Variants in FNDC3B observed in about 807,000 individuals in gnomAD.
The protein encoded by FNDC3B is fibronectin type III domain-containing protein 3B.
In FNDC3B, 12 loss-of-function variants were observed where a neutral mutation model predicts 151.5. That is an observed-to-expected ratio of 0.08 (90% CI 0.05 to 0.13). FNDC3B has a LOEUF of 0.13. Ranked by LOEUF, FNDC3B falls within the 10% of genes least tolerant of loss-of-function variation. The pLI, the probability that FNDC3B is intolerant of heterozygous loss-of-function variation, is 1.00. For missense variants in FNDC3B, 1,214 were observed against 1,505.3 expected, an observed-to-expected ratio of 0.81 and a Z score of 3.20; for synonymous variants, 528 against 549.0, an observed-to-expected ratio of 0.96 and a Z score of 0.54.
chr3:172,148,596 A>G (rs1722048347), intron 3 of FNDC3B: 1 of 152,224 alleles, frequency 6.6e-6, no homozygotes, highest in Non-Finnish European at 1.5e-5. Context: ...CCATAGTAAC[A>G]TGGAAAATGG....
At chr3:172,231,903 T>C in intron 4 of FNDC3B, among the ~76,000 whole-genome samples, 1 of 129,592 alleles carries the variant, frequency 7.7e-6, no homozygotes. Flanking sequence ...TTTTTTGAGA[T>C]GGAGTCTTGC....
At chr3:172,154,404 C>T (rs974047909) in intron 3 of FNDC3B, among the ~76,000 whole-genome samples, 6 of 152,262 alleles carry the variant, frequency 3.9e-5, no homozygotes, top group Middle Eastern at 3.4e-3. Context: ...TTAGTAGAGA[C>T]GGGGTTTCAC....
chr3:172,293,871 T>A (rs1366769352), intron 7 of FNDC3B, among the ~76,000 whole-genome samples: 1 of 152,202 alleles, frequency 6.6e-6, no homozygotes, highest in East Asian at 1.9e-4. Context: ...ATTCCAATAA[T>A]CTTTATGTAG....
intron 3 of FNDC3B, among the ~76,000 whole-genome samples, chr3:172,186,376 G>A (rs560200564): frequency 4.0e-4 from 61 of 152,188 alleles, no homozygotes; most frequent in African/African-American, 1.4e-3. Context: ...TAAAAGCATC[G>A]GAAATACTTG....
At chr3:172,259,744 A>G (rs892315325) in intron 6 of FNDC3B, among the ~76,000 whole-genome samples, 4 of 152,156 alleles carry the variant, frequency 2.6e-5, no homozygotes, top group Non-Finnish European at 5.9e-5. Flanking sequence ...CACTTATCCT[A>G]TCTTTTGCCT....
chr3:172,298,632 T>A, intron 8 of FNDC3B, 96 bp from the exon 9 acceptor site: 1 of 620,014 alleles, frequency 1.6e-6, no homozygotes, highest in Non-Finnish European at 2.8e-6. Context: ...TAATAGTTCA[T>A]GAATTATTGT....
At chr3:172,315,994 C>G (rs1371940489) in intron 11 of FNDC3B, among the ~76,000 whole-genome samples, 2 of 134,868 alleles carry the variant, frequency 1.5e-5, no homozygotes, top group East Asian at 4.3e-4. Flanking sequence ...CTTCTTCTTT[C>G]TTCTTCTTTT....
chr3:172,344,028 A>T (rs1733477260), intron 18 of FNDC3B, 58 bp from the exon 19 acceptor site: 1 of 1,512,058 alleles, frequency 6.6e-7, no homozygotes, highest in Non-Finnish European at 9.0e-7. Flanking sequence ...AATCTGGTGC[A>T]CTTTGGTCAA....
At chr3:172,232,763 T>C (rs1231634916) in intron 4 of FNDC3B, among the ~76,000 whole-genome samples, 1 of 152,244 alleles carries the variant, frequency 6.6e-6, no homozygotes, top group Admixed American at 6.5e-5. Flanking sequence ...AAGGAGAACA[T>C]GGACGTTACC....
chr3:172,220,820 G>A (rs1726241999), intron 3 of FNDC3B, among the ~76,000 whole-genome samples: 1 of 152,168 alleles, frequency 6.6e-6, no homozygotes, highest in Non-Finnish European at 1.5e-5. Context: ...ATGGCTGGGT[G>A]TGGTGGCTCA....
chr3:172,380,855 A>C (rs1052160727), intron 24 of FNDC3B, 111 bp from the exon 25 acceptor site: 2 of 1,283,706 alleles, frequency 1.6e-6, no homozygotes, highest in Non-Finnish European at 2.2e-6. Flanking sequence ...CTCTCAGGGC[A>C]AACACAGGCA....
rs915562110 is a variant in FNDC3B, at chr3:172,399,544, CTA to C, written c.*2072_*2073del. 1.3e-5 allele frequency: 2 copies of C among 152,546 alleles called. No individual in the cohort carries two copies. Among genetic ancestry groups the C allele is most frequent in the Non-Finnish European group, 2.9e-5 (2 of 68,024 alleles). The allele number at this position is 152,546 out of a possible 1,614,324, so 9.4% of individuals were successfully genotyped here. A position where few individuals can be genotyped will look rare whatever the true frequency, so the allele number is the denominator to read the frequency against. Reference sequence around the variant, plus strand: ...AGAGAGTTCTGTATTTTATTATTGACTATAATAATTAGTTTAATTAGCTTTGC... The same window carrying C: ...AGAGAGTTCTGTATTTTATTATTGACTAATAATTAGTTTAATTAGCTTTGC... On this transcript the variant is annotated 3_prime_UTR_variant, in exon 26 of 26. Transcript: ENST00000415807.
chr3:172,134,261 A>G (rs1033562540), intron 3 of FNDC3B: 1 of 466,770 alleles, frequency 2.1e-6, no homozygotes, highest in Non-Finnish European at 4.3e-6. Context: ...CCTCTTCTGT[A>G]TAGTTCACTT....
intron 4 of FNDC3B, among the ~76,000 whole-genome samples, chr3:172,229,379 A>G (rs1357390329): frequency 6.6e-6 from 1 of 152,104 alleles, no homozygotes; most frequent in Non-Finnish European, 1.5e-5. Flanking sequence ...CCCACAGTCT[A>G]TGTGTTAAAT....
intron 1 of FNDC3B, among the ~76,000 whole-genome samples, chr3:172,080,335 A>G (rs1223744134): frequency 6.6e-6 from 1 of 152,014 alleles, no homozygotes; most frequent in Non-Finnish European, 1.5e-5. Context: ...CAGTGGCATG[A>G]TACTAGCTCA....
At chr3:172,200,114 G>A (rs1725069262) in intron 3 of FNDC3B, among the ~76,000 whole-genome samples, 1 of 152,098 alleles carries the variant, frequency 6.6e-6, no homozygotes, top group African/African-American at 2.4e-5. Flanking sequence ...AACCCACCCT[G>A]GACAGGATGT....
chr3:172,155,893 G>C (rs184287316), intron 3 of FNDC3B, among the ~76,000 whole-genome samples: 1 of 152,196 alleles, frequency 6.6e-6, no homozygotes, highest in Non-Finnish European at 1.5e-5. Flanking sequence ...TCCGGGACTA[G>C]AAGGGGAGAA....
intron 3 of FNDC3B, among the ~76,000 whole-genome samples, chr3:172,144,460 G>A (rs563326414): frequency 8.5e-5 from 13 of 152,310 alleles, no homozygotes; most frequent in African/African-American, 3.1e-4. Context: ...GGCAGGCGTC[G>A]AGCCTGAAGG....
chr3:172,083,610 A>G (rs1399055488), intron 1 of FNDC3B, among the ~76,000 whole-genome samples: 3 of 152,210 alleles, frequency 2.0e-5, no homozygotes, highest in Non-Finnish European at 4.4e-5. Flanking sequence ...AAAACACTTC[A>G]CTAGCAACTT....
Sources: gnomAD v4.1 joint callset for allele counts (sites outside exome capture counted in the v4.1 genomes callset) on GRCh38, gnomAD v4.1.1 for gene constraint, MANE v1.5 for transcripts, NCBI Gene and HGNC (gene_info 2026-07-23, HGNC 2026-07-21) for gene names.